The following TNFRSF10D variants were observed in gnomAD, a reference collection of about 807,000 sequenced individuals.
TNFRSF10D encodes the protein tumor necrosis factor receptor superfamily member 10D.
Under a neutral mutation model 42.1 loss-of-function variants are expected in TNFRSF10D, and 28 were observed. The ratio of observed to expected loss-of-function variants is 0.66; its 90% CI spans 0.49 to 0.91. The LOEUF (loss-of-function observed/expected upper bound fraction) is 0.91. Ranked by LOEUF, TNFRSF10D falls within the 40% of genes least tolerant of loss-of-function variation. The pLI is 0.00. For synonymous variants in TNFRSF10D, 186 were observed against 189.4 expected (o/e 0.98, Z 0.15); for missense variants, 503 against 486.1 (o/e 1.03, Z -0.33).
At position 23,144,552 on chromosome 8, in the gene TNFRSF10D, G is replaced by A. The variant is rs752789071; in HGVS notation, c.852C>T (p.Tyr284=). Residue 284 remains tyrosine, a synonymous_variant, in exon 7 of 9, where the codon TAC becomes TAT. Coordinates refer to ENST00000312584, the MANE Select transcript of TNFRSF10D (RefSeq NM_003840.5). ...NARNETLSNR[Y]LQPTQVSEQE... is the part of the protein sequence containing the mutation. ...GCTCAGAGACCTGGGTGGGCTGCAA[G>A]TATCTGTTACTCAGGGTCTCGTTGC... 1.2e-6 allele frequency: 2 copies of A among 1,614,188 alleles called. No homozygotes were observed. Among genetic ancestry groups the A allele is most frequent in the Non-Finnish European group, 1.7e-6 (2 of 1,180,028 alleles).
At chr8:23,161,971 G>T (rs77086526) in intron 1 of TNFRSF10D, among the ~76,000 whole-genome samples, 1,884 of 152,322 alleles carry the variant, frequency 0.012, 19 homozygotes, top group Non-Finnish European at 0.019. Flanking sequence ...AATGCTGTTG[G>T]AATTAGCAAA....
At chr8:23,154,003 TG>T (rs1318428446) in intron 2 of TNFRSF10D, among the ~76,000 whole-genome samples, 3 of 152,122 alleles carry the variant, frequency 2.0e-5, no homozygotes, top group African/African-American at 7.2e-5. Flanking sequence ...GTAAAGAAAA[TG>T]TAGTACATAG....
At position 23,148,022 on chromosome 8, in the gene TNFRSF10D, G is replaced by A. The variant is rs556756616; in HGVS notation, c.370+416C>T. Among the ~76,000 whole-genome samples, 175 of 135,972 alleles carry A rather than the reference G, an allele frequency of 1.3e-3. 3 individuals are homozygous for A. Among genetic ancestry groups the A allele is most frequent in the Non-Finnish European group, 1.8e-3 (119 of 65,770 alleles). The allele number at this position is 135,972 out of a possible 152,430, so 89.2% of individuals were successfully genotyped here. A position where few individuals can be genotyped will look rare whatever the true frequency, so the allele number is the denominator to read the frequency against. The stretch of plus-strand genomic sequence containing the variant: ...GGAGCTTGCAGTGAGCCGAGATCGC[G>A]CCACTGCACTCCAGCCTGGACAACA... On this transcript the variant is annotated intron_variant, in intron 3 of 8. Transcript: ENST00000312584.
In TNFRSF10D at chr8:23,163,826, A is replaced by G. The variant is rs867990441; in HGVS notation, c.110T>C (p.Ile37Thr). Reference protein sequence around the residue: ...GTRPWLLDPKILKFVVFIVAV... With the variant: ...GTRPWLLDPKTLKFVVFIVAV... ...GACGATGAAGACGACGAACTTAAGG[A>G]TCTTGGGGTCCAGGAGCCATGGTCT... Residue 37 changes from isoleucine (I) to threonine (T), a missense_variant, in exon 1 of 9, where the codon ATC becomes ACC. Physicochemically the swap from Ile to Thr is moderately conservative, Grantham distance 89. Coordinates refer to ENST00000312584, the MANE Select transcript of TNFRSF10D (RefSeq NM_003840.5). The G allele has an allele frequency of 5.7e-4, 913 of 1,607,924 alleles. No homozygotes were observed. The African/African-American group carries it at 9.9e-3, about 17-fold the overall frequency.
In TNFRSF10D at chr8:23,136,034, A is replaced by G. The variant is rs1563351918; in HGVS notation, c.*1836T>C. On this transcript the variant is annotated 3_prime_UTR_variant, in exon 9 of 9. Coordinates refer to ENST00000312584, the MANE Select transcript of TNFRSF10D (RefSeq NM_003840.5). The stretch of plus-strand genomic sequence containing the variant: ...CCCCTCCTAAAACTCCATGGACACA[A>G]CAATCTGAATGTGCGAACTTCAGGC... 1.2e-5 allele frequency: 5 copies of G among 407,942 alleles called. No homozygotes were observed. The highest frequency in any genetic ancestry group is 9.1e-5 in the South Asian group (5 of 55,238). 25.3% of individuals were successfully genotyped at this position (407,942 alleles called of 1,614,324 possible).
chr8:23,146,176 C>T (rs959935409), intron 4 of TNFRSF10D, among the ~76,000 whole-genome samples: 1 of 152,226 alleles, frequency 6.6e-6, no homozygotes, highest in Non-Finnish European at 1.5e-5. Context: ...TGGGCACACA[C>T]TGAGCTTCCC....
At chr8:23,139,222 G>A (rs1017510720) in intron 7 of TNFRSF10D, among the ~76,000 whole-genome samples, 1 of 151,674 alleles carries the variant, frequency 6.6e-6, no homozygotes, top group Non-Finnish European at 1.5e-5. Flanking sequence ...ATAAGAAACA[G>A]GAATAATTTA....
intron 4 of TNFRSF10D, 108 bp downstream of exon 4, chr8:23,146,853 C>A: frequency 1.1e-6 from 1 of 934,380 alleles, no homozygotes. Context: ...CTCAGGGAGG[C>A]CTCGGGCCTG....
chr8:23,156,929 C>T (rs1334602798), intron 1 of TNFRSF10D, among the ~76,000 whole-genome samples: 1 of 152,114 alleles, frequency 6.6e-6, no homozygotes, highest in Non-Finnish European at 1.5e-5. Context: ...CTCCTTGTTA[C>T]TTTGGTTTAA....
In TNFRSF10D at chr8:23,152,574, G is replaced by T. The variant is rs191754759; in HGVS notation, c.256+2300C>A. On this transcript the variant is annotated intron_variant, in intron 2 of 8. Transcript: ENST00000312584. Reference sequence around the variant, plus strand: ...AACAGGGAAAGGAATTATTAATTGGGCAAAAGATGCTGTGGTATGATTGGG... The same window carrying T: ...AACAGGGAAAGGAATTATTAATTGGTCAAAAGATGCTGTGGTATGATTGGG... 2.2e-4 allele frequency among the ~76,000 whole-genome samples: 33 copies of T among 152,316 alleles called. No homozygotes were observed. The East Asian group carries it at 6.0e-3, about 28-fold the overall frequency.
chr8:23,154,322 A>G (rs1276627299), intron 2 of TNFRSF10D, among the ~76,000 whole-genome samples: 4 of 152,244 alleles, frequency 2.6e-5, no homozygotes, highest in African/African-American at 9.6e-5. Flanking sequence ...CAGTTATTAA[A>G]ACAATGTGTT....
chr8:23,163,578 C>G (rs1398691530), intron 1 of TNFRSF10D, among the ~76,000 whole-genome samples: 1 of 152,176 alleles, frequency 6.6e-6, no homozygotes, highest in Non-Finnish European at 1.5e-5. Flanking sequence ...AGGGGGAGCG[C>G]GCGCTCTGCT....
chr8:23,148,957 A>G (rs111470087), intron 2 of TNFRSF10D, among the ~76,000 whole-genome samples: 18,763 of 151,398 alleles, frequency 0.12, 1,273 homozygotes, highest in South Asian at 0.2. Context: ...TAGGGAGGCC[A>G]AGGCGGACGA....
chr8:23,160,341 AG>A (rs1441737411), intron 1 of TNFRSF10D, among the ~76,000 whole-genome samples: 2 of 152,076 alleles, frequency 1.3e-5, no homozygotes, highest in Non-Finnish European at 2.9e-5. Context: ...GCTGTGGCAC[AG>A]GGAGGGGACT....
In TNFRSF10D at chr8:23,138,167, C is replaced by T. The variant is rs759152383; in HGVS notation, c.1027+21G>A. ...CCTATTCCCTGTCCTCCTGCTGCGT[C>T]TCAAGGCACAAAACACTTACTGTCA... On this transcript the variant is annotated intron_variant, in intron 8 of 8. Coordinates refer to ENST00000312584, the MANE Select transcript of TNFRSF10D (RefSeq NM_003840.5). The T allele has an allele frequency of 3.7e-6, 6 of 1,614,244 alleles. No individual in the cohort carries two copies. The South Asian group carries it at 6.6e-5, about 18-fold the overall frequency.
chr8:23,159,470 A>G (rs1009232987), intron 1 of TNFRSF10D, among the ~76,000 whole-genome samples: 1 of 152,210 alleles, frequency 6.6e-6, no homozygotes, highest in Non-Finnish European at 1.5e-5. Flanking sequence ...TTTAGCCTCC[A>G]TATATTTACT....
chr8:23,140,814 T>G (rs944449953), intron 7 of TNFRSF10D, among the ~76,000 whole-genome samples: 1 of 152,210 alleles, frequency 6.6e-6, no homozygotes, highest in Non-Finnish European at 1.5e-5. Flanking sequence ...AGGCCATGAT[T>G]GTGAGGCCTC....
intron 2 of TNFRSF10D, among the ~76,000 whole-genome samples, chr8:23,149,189 CAAAAAAAA>C (rs370400558): frequency 1.2e-5 from 1 of 85,698 alleles, no homozygotes; most frequent in Non-Finnish European, 2.2e-5. Flanking sequence ...GACTCTGTCT[CAAAAAAAA>C]AAAAAAAAAA....
intron 5 of TNFRSF10D, 107 bp downstream of exon 5, chr8:23,145,561 G>C: frequency 1.9e-6 from 3 of 1,539,730 alleles, no homozygotes; most frequent in Non-Finnish European, 2.6e-6. Flanking sequence ...AGCCAGGCTG[G>C]AGACGCTTGG....
Sources: gnomAD v4.1 joint callset for allele counts (sites outside exome capture counted in the v4.1 genomes callset) on GRCh38, gnomAD v4.1.1 for gene constraint, MANE v1.5 for transcripts, NCBI Gene and HGNC (gene_info 2026-07-23, HGNC 2026-07-21) for gene names.